The following ZNF143 variants were observed in gnomAD, a reference collection of about 807,000 sequenced individuals.
ZNF143 encodes SPH-binding factor.
ZNF143 carries 49 observed loss-of-function variants against 74.1 expected under a neutral mutation model. The ratio of observed to expected loss-of-function variants is 0.66; its 90% CI spans 0.53 to 0.84. The LOEUF is 0.84. ZNF143 is among the 40% of genes least tolerant of loss of function. The pLI, the probability that ZNF143 is intolerant of heterozygous loss-of-function variation, is 0.00. For missense variants in ZNF143, 637 were observed against 793.4 expected, an observed-to-expected ratio of 0.80 and a Z score of 2.37; for synonymous variants, 304 against 282.8, an observed-to-expected ratio of 1.07 and a Z score of -0.75.
chr11:9,494,822 T>G (rs1374642590), intron 8 of ZNF143, 57 bp downstream of exon 8: 3 of 1,519,822 alleles, frequency 2.0e-6, no homozygotes, highest in Non-Finnish European at 1.8e-6. Context: ...TATTAAATAC[T>G]AAGATCATAT....
chr11:9,467,363 A>T (rs972956868), intron 1 of ZNF143, among the ~76,000 whole-genome samples: 6 of 151,548 alleles, frequency 4.0e-5, no homozygotes, highest in African/African-American at 1.5e-4. Context: ...AGCTGGGAGT[A>T]GCTGGGATTA....
Position 9,511,504 on chromosome 11 carries a change from G to A in ZNF143, c.1376-944G>A, listed in dbSNP as rs546807318. Among the ~76,000 whole-genome samples the A allele has an allele frequency of 2.7e-3, 410 of 149,554 alleles. 1 individual carries two copies. Among genetic ancestry groups the A allele is most frequent in the Middle Eastern group, 0.017 (5 of 290 alleles). Reference sequence around the variant, plus strand: ...ATTTTTAGTAGAAATGGGTTTCACCGTGTTAGCCAGGATGGTCTCGATCTC... The same window carrying A: ...ATTTTTAGTAGAAATGGGTTTCACCATGTTAGCCAGGATGGTCTCGATCTC... On this transcript the variant is annotated intron_variant, in intron 12 of 15. Coordinates refer to ENST00000396602, the MANE Select transcript of ZNF143 (RefSeq NM_003442.6).
chr11:9,463,952 G>T (rs1221015055), intron 1 of ZNF143: 1 of 152,020 alleles, frequency 6.6e-6, no homozygotes, highest in East Asian at 1.9e-4. Context: ...GCAATCATAT[G>T]GTATCTACTT....
In ZNF143 at chr11:9,502,241, CTTTTTTT is replaced by C. The variant is rs1183629630; in HGVS notation, c.1147+989_1147+995del. Among the ~76,000 whole-genome samples the C allele has an allele frequency of 4.9e-4, 28 of 57,000 alleles. No homozygotes were observed. The East Asian group carries it at 9.3e-3, about 19-fold the overall frequency. The allele number at this position is 57,000 out of a possible 152,430, so 37.4% of individuals were successfully genotyped here. On this transcript the variant is annotated intron_variant, in intron 11 of 15. Transcript: ENST00000396602. ...GTGAGCCACCGCGCCTGGCCATATT[CTTTTTTT>C]TTTTTTTTTTTTTTTTTGGGAAACT...
At chr11:9,526,849 G>C (rs1409909349) in intron 15 of ZNF143, among the ~76,000 whole-genome samples, 2 of 152,186 alleles carry the variant, frequency 1.3e-5, no homozygotes, top group African/African-American at 4.8e-5. Context: ...TTTTGAGACG[G>C]AGTCTCGCTC....
intron 9 of ZNF143, among the ~76,000 whole-genome samples, chr11:9,496,745 C>T (rs749759569): frequency 2.0e-5 from 3 of 151,732 alleles, no homozygotes; most frequent in Non-Finnish European, 2.9e-5. Context: ...TACAGGCGCT[C>T]GTCATCATGC....
At chr11:9,495,123 A>G (rs576965716) in intron 8 of ZNF143, among the ~76,000 whole-genome samples, 2 of 152,304 alleles carry the variant, frequency 1.3e-5, no homozygotes, top group East Asian at 3.9e-4. Flanking sequence ...AAATCTAGCA[A>G]AAGTTGGTGT....
intron 10 of ZNF143, among the ~76,000 whole-genome samples, chr11:9,499,158 T>C (rs963163250): frequency 1.3e-5 from 2 of 152,234 alleles, no homozygotes; most frequent in Non-Finnish European, 2.9e-5. Flanking sequence ...ATAACAGCTT[T>C]AAAATCATGA....
intron 11 of ZNF143, among the ~76,000 whole-genome samples, chr11:9,506,281 G>T (rs1020910585): frequency 6.6e-6 from 1 of 152,148 alleles, no homozygotes; most frequent in African/African-American, 2.4e-5. Context: ...GCAGTGAGTC[G>T]AGATCACACC....
chr11:9,505,878 C>CAA (rs1177848404), intron 11 of ZNF143, among the ~76,000 whole-genome samples: 1,519 of 66,802 alleles, frequency 0.023, 20 homozygotes, highest in Non-Finnish European at 0.039. Context: ...GACTCCATAT[C>CAA]AAAAAAAAAA....
chr11:9,468,164 C>T (rs1448758879), intron 1 of ZNF143, among the ~76,000 whole-genome samples: 2 of 152,208 alleles, frequency 1.3e-5, no homozygotes, highest in Non-Finnish European at 2.9e-5. Context: ...CCAAACTGCT[C>T]TGTGCATGGA....
At chr11:9,472,849 C>G (rs1856663770) in intron 3 of ZNF143, 80 bp downstream of exon 3, 3 of 979,506 alleles carry the variant, frequency 3.1e-6, no homozygotes, top group Non-Finnish European at 4.4e-6. Flanking sequence ...AGCTATACCA[C>G]CTTTCCTATG....
chr11:9,507,699 C>T (rs369764843), intron 11 of ZNF143, among the ~76,000 whole-genome samples: 3 of 152,272 alleles, frequency 2.0e-5, no homozygotes, highest in African/African-American at 4.8e-5. Flanking sequence ...TAGGTCCCTA[C>T]ACCACCACAT....
chr11:9,513,780 A>G (rs1848633839), intron 13 of ZNF143, among the ~76,000 whole-genome samples: 1 of 152,158 alleles, frequency 6.6e-6, no homozygotes, highest in South Asian at 2.1e-4. Flanking sequence ...GTGTAGTTCC[A>G]CCTACTAGGT....
intron 7 of ZNF143, among the ~76,000 whole-genome samples, chr11:9,490,880 A>C (rs1222778335): frequency 6.6e-6 from 1 of 151,934 alleles, no homozygotes; most frequent in Admixed American, 6.6e-5. Flanking sequence ...CCACAAGTAC[A>C]TACCACCACA....
chr11:9,490,945 C>G (rs1847750685), intron 7 of ZNF143, among the ~76,000 whole-genome samples: 1 of 152,212 alleles, frequency 6.6e-6, no homozygotes, highest in Admixed American at 6.5e-5. Flanking sequence ...GTTTCCCATG[C>G]TGGTCTCAAA....
intron 5 of ZNF143, among the ~76,000 whole-genome samples, chr11:9,475,218 T>C (rs530971949): frequency 2.0e-5 from 3 of 152,318 alleles, no homozygotes; most frequent in African/African-American, 4.8e-5. Context: ...TTTTAAATGA[T>C]TCAGAAATAA....
At position 9,508,796 on chromosome 11, in the gene ZNF143, A is replaced by C. The variant is rs771330568; in HGVS notation, c.1325A>C (p.Asp442Ala). 6.2e-7 allele frequency: 1 copy of C among 1,609,588 alleles called. No individual in the cohort carries two copies. The highest frequency in any genetic ancestry group is 8.5e-7 in the Non-Finnish European group (1 of 1,177,670). Residue 442 changes from aspartate to alanine, a missense_variant, in exon 12 of 16, where the codon GAC becomes GCC. Asp to Ala is a moderately radical substitution (Grantham distance 126). This residue lies in a region of ZNF143 where 344 missense variants were observed against 485.6 expected (regional missense o/e 0.71). Transcript: ENST00000396602. ...LAMHKRTAHN[D>A]TEPIEEEQEA... ...ATGCACAAACGGACAGCCCACAACG[A>C]CACTGAGCCCATCGAGGAGGAGCAG...
intron 7 of ZNF143, among the ~76,000 whole-genome samples, chr11:9,491,679 G>A (rs1236436551): frequency 6.6e-6 from 1 of 152,030 alleles, no homozygotes; most frequent in Non-Finnish European, 1.5e-5. Flanking sequence ...CACCCAGGAT[G>A]CGTTGCAGTG....
Sources: allele counts gnomAD v4.1 joint callset (sites outside exome capture counted in the v4.1 genomes callset), GRCh38; gene constraint gnomAD v4.1.1; regional missense constraint gnomAD v4.1.1; transcripts MANE v1.5; gene names NCBI Gene and HGNC (gene_info 2026-07-23, HGNC 2026-07-21).